ASPRV1: variants seen among roughly 807,000 people sequenced by gnomAD.
ASPRV1 encodes the protein aspartic peptidase retroviral like 1.
A neutral mutation model predicts 11.0 loss-of-function variants in ASPRV1; 7 were observed. The observed-to-expected ratio is 0.64, with a 90% CI of 0.36 to 1.20. The LOEUF is 1.20. Ranked by LOEUF, ASPRV1 falls within the 50% of genes most tolerant of loss-of-function variation. The pLI is 0.02. For missense variants in ASPRV1, 299 were observed against 320.0 expected (o/e 0.93, Z 0.50); for synonymous variants, 136 against 138.4 (o/e 0.98, Z 0.12).
the ASPRV1 span, among the ~76,000 whole-genome samples, chr2:69,967,302 G>C: frequency 6.6e-6 from 1 of 152,162 alleles, no homozygotes; most frequent in Non-Finnish European, 1.5e-5. Flanking sequence ...GAGTCTTCCG[G>C]GCAAGATGGC....
At chr2:69,934,014 C>T in the ASPRV1 span, among the ~76,000 whole-genome samples, 1 of 152,168 alleles carries the variant, frequency 6.6e-6, no homozygotes, top group South Asian at 2.1e-4. Context: ...ACTCTGTCCT[C>T]TAGAAGCTTA....
the ASPRV1 span, among the ~76,000 whole-genome samples, chr2:70,065,050 G>T: frequency 6.6e-6 from 1 of 151,726 alleles, no homozygotes; most frequent in African/African-American, 2.4e-5. Context: ...AGCCGAGATC[G>T]AACCACTGCA....
At chr2:70,037,048 T>C in the ASPRV1 span, among the ~76,000 whole-genome samples, 6 of 152,166 alleles carry the variant, frequency 3.9e-5, no homozygotes, top group Admixed American at 2.0e-4. Flanking sequence ...CTCCCACCTA[T>C]TGCTTCTACT....
At chr2:70,041,283 G>GA in the ASPRV1 span, among the ~76,000 whole-genome samples, 6 of 152,220 alleles carry the variant, frequency 3.9e-5, no homozygotes, top group Admixed American at 3.9e-4. Context: ...ATTTCTTTCA[G>GA]GTGGTCTTTC....
At chr2:70,053,734 T>C in the ASPRV1 span, 1 of 145,594 alleles carries the variant, frequency 6.9e-6, no homozygotes, top group African/African-American at 2.7e-5. Context: ...CTCTTACCTG[T>C]GCTTTCAGCA....
chr2:70,043,151 G>A, the ASPRV1 span, among the ~76,000 whole-genome samples: 4 of 152,076 alleles, frequency 2.6e-5, no homozygotes, highest in Admixed American at 1.3e-4. Flanking sequence ...AAGAACTCAG[G>A]CCAAAAAAGC....
At chr2:70,015,109 T>C in the ASPRV1 span, among the ~76,000 whole-genome samples, 3 of 152,192 alleles carry the variant, frequency 2.0e-5, no homozygotes, top group African/African-American at 4.8e-5. Context: ...GGTTGGATAC[T>C]ATCAAAAATT....
At chr2:69,951,208 G>A in the ASPRV1 span, among the ~76,000 whole-genome samples, 2 of 151,794 alleles carry the variant, frequency 1.3e-5, no homozygotes, top group Non-Finnish European at 2.9e-5. Flanking sequence ...GGCAGATCGC[G>A]AGGTCAAGAG....
the ASPRV1 span, among the ~76,000 whole-genome samples, chr2:69,936,046 C>T: frequency 6.6e-6 from 1 of 152,046 alleles, no homozygotes; most frequent in African/African-American, 2.4e-5. Context: ...TCTTCCAGTC[C>T]CTGGCACTGT....
At chr2:70,065,819 C>CAAAAAAAAAAA in the ASPRV1 span, among the ~76,000 whole-genome samples, 11 of 67,444 alleles carry the variant, frequency 1.6e-4, no homozygotes, top group African/African-American at 5.3e-4. Context: ...GCTTTTGACT[C>CAAAAAAAAAAA]AAAAAAAAAA....
the ASPRV1 span, among the ~76,000 whole-genome samples, chr2:70,082,587 G>A: frequency 6.6e-6 from 1 of 152,190 alleles, no homozygotes; most frequent in Non-Finnish European, 1.5e-5. Flanking sequence ...GCACATGCCT[G>A]TAATCCCAGC....
chr2:70,023,898 A>G, the ASPRV1 span, among the ~76,000 whole-genome samples: 390 of 152,274 alleles, frequency 2.6e-3, 2 homozygotes, highest in African/African-American at 9.0e-3. Flanking sequence ...AAGACAAACA[A>G]TAGAGATGAC....
the ASPRV1 span, among the ~76,000 whole-genome samples, chr2:70,076,772 G>C: frequency 6.6e-6 from 1 of 152,186 alleles, no homozygotes; most frequent in Non-Finnish European, 1.5e-5. Context: ...AGTACAGTGT[G>C]CAGTATTGGT....
At chr2:70,032,095 G>A in the ASPRV1 span, 1 of 152,338 alleles carries the variant, frequency 6.6e-6, no homozygotes, top group Admixed American at 6.5e-5. Context: ...GAGTGGGGAA[G>A]GATGTGGTAC....
Position 69,960,111 on chromosome 2 carries a change from T to C in ASPRV1, c.*546A>G, listed in dbSNP as rs1329568910. ...TGGTTTTTCCATGAATCAATCTTTA[T>C]TGGTGTTTGCAGCAATTGAATTATT... On this transcript the variant is annotated 3_prime_UTR_variant, in exon 1 of 1. Coordinates refer to ENST00000320256, the MANE Select transcript of ASPRV1 (RefSeq NM_152792.4). 1 of 153,876 alleles carries C rather than the reference T, an allele frequency of 6.5e-6. No homozygotes were observed. Among genetic ancestry groups the C allele is most frequent in the Non-Finnish European group, 1.4e-5 (1 of 69,144 alleles). The allele number at this position is 153,876 out of a possible 1,614,324, so 9.5% of individuals were successfully genotyped here. A position where few individuals can be genotyped will look rare whatever the true frequency, so the allele number is the denominator to read the frequency against.
chr2:69,964,409 T>C (rs751424814), upstream of ASPRV1: 3 of 437,848 alleles, frequency 6.9e-6, no homozygotes, highest in African/African-American at 6.1e-5. Flanking sequence ...TCTGGCCGAG[T>C]CTGGGAGTCT....
At chr2:70,017,473 T>C in the ASPRV1 span, among the ~76,000 whole-genome samples, 1 of 151,632 alleles carries the variant, frequency 6.6e-6, no homozygotes, top group Non-Finnish European at 1.5e-5. Flanking sequence ...GTAAGATTAG[T>C]AATAAGACAA....
the ASPRV1 span, among the ~76,000 whole-genome samples, chr2:70,020,456 T>A: frequency 6.6e-6 from 1 of 152,140 alleles, no homozygotes; most frequent in Non-Finnish European, 1.5e-5. Flanking sequence ...ATTTAAGATG[T>A]TGTGGGCCGG....
the ASPRV1 span, chr2:70,085,785 T>C: frequency 6.6e-6 from 1 of 152,248 alleles, no homozygotes; most frequent in Non-Finnish European, 1.5e-5. Context: ...AAATGAACAC[T>C]TAATTGTGGT....
Sources: allele counts gnomAD v4.1 joint callset (sites outside exome capture counted in the v4.1 genomes callset), GRCh38; gene constraint gnomAD v4.1.1; transcripts MANE v1.5; gene names NCBI Gene and HGNC (gene_info 2026-07-23, HGNC 2026-07-21).